Variants in GRID2 observed in about 807,000 individuals in gnomAD.
GRID2 encodes glutamate receptor ionotropic, delta-2.
GRID2 carries 33 observed loss-of-function variants against 114.8 expected under a neutral mutation model. The observed-to-expected ratio is 0.29, with a 90% CI of 0.22 to 0.38. GRID2 has a LOEUF of 0.38. Among genes scored for constraint, GRID2 ranks in the 10% least tolerant of loss-of-function variants. The pLI, the probability that GRID2 is intolerant of heterozygous loss-of-function variation, is 1.00. For missense variants in GRID2, 1,184 were observed against 1,257.7 expected (o/e 0.94, Z 0.89); for synonymous variants, 505 against 449.9 (o/e 1.12, Z -1.55).
At chr4:93,552,589 A>T (rs946157662) in intron 13 of GRID2, among the ~76,000 whole-genome samples, 1 of 152,044 alleles carries the variant, frequency 6.6e-6, no homozygotes, top group African/African-American at 2.4e-5. Context: ...GTGTGAGATG[A>T]TATCTCATTG....
chr4:93,342,447 A>C (rs929806193), intron 8 of GRID2, among the ~76,000 whole-genome samples: 2 of 152,192 alleles, frequency 1.3e-5, no homozygotes, highest in Admixed American at 6.5e-5. Flanking sequence ...AGAAAAAAAA[A>C]CTTATTATTA....
intron 2 of GRID2, among the ~76,000 whole-genome samples, chr4:93,029,820 G>A (rs1724224678): frequency 6.6e-6 from 1 of 152,074 alleles, no homozygotes; most frequent in Admixed American, 6.6e-5. Flanking sequence ...AGCTTCTTCT[G>A]CCCAGTCTCT....
intron 2 of GRID2, among the ~76,000 whole-genome samples, chr4:92,654,586 A>C (rs34714051): frequency 0.014 from 2,098 of 151,954 alleles, 19 homozygotes; most frequent in South Asian, 0.03. Context: ...TTGTTTGTTT[A>C]TTTAATAATA....
intron 2 of GRID2, among the ~76,000 whole-genome samples, chr4:92,663,041 AGATT>A: frequency 6.6e-6 from 1 of 151,036 alleles, no homozygotes; most frequent in Non-Finnish European, 1.5e-5. Context: ...AAACACACTG[AGATT>A]GATTATCATC....
chr4:93,686,076 T>A (rs1319453386), intron 14 of GRID2, among the ~76,000 whole-genome samples: 1 of 152,012 alleles, frequency 6.6e-6, no homozygotes. Flanking sequence ...TATTTCACCC[T>A]ATTTCTAATA....
At chr4:92,634,154 AAG>A (rs1730949961) in intron 2 of GRID2, among the ~76,000 whole-genome samples, 1 of 152,036 alleles carries the variant, frequency 6.6e-6, no homozygotes, top group Non-Finnish European at 1.5e-5. Context: ...ATAATGTTGT[AAG>A]AAAGTTTACG....
intron 10 of GRID2, among the ~76,000 whole-genome samples, chr4:93,431,249 G>T (rs2149380109): frequency 2.0e-5 from 3 of 152,224 alleles, no homozygotes; most frequent in Admixed American, 2.0e-4. Flanking sequence ...GAAGCTCACT[G>T]TGAAAGTGCC....
At chr4:93,224,472 A>T in intron 6 of GRID2, 142 bp from the exon 7 acceptor site, 1 of 553,948 alleles carries the variant, frequency 1.8e-6, no homozygotes, top group Non-Finnish European at 3.2e-6. Flanking sequence ...CCAGGAAATG[A>T]CAAAAGAAAC....
At chr4:93,691,388 A>G (rs17020997) in intron 14 of GRID2, among the ~76,000 whole-genome samples, 6,239 of 152,084 alleles carry the variant, frequency 0.041, 198 homozygotes, top group African/African-American at 0.081. Context: ...AGAAGTTAAA[A>G]AACAGCACAA....
intron 1 of GRID2, among the ~76,000 whole-genome samples, chr4:92,368,458 A>G (rs1172223000): frequency 3.3e-5 from 5 of 152,156 alleles, no homozygotes; most frequent in Non-Finnish European, 7.4e-5. Flanking sequence ...TTAATGGCTC[A>G]ACGACACAAT....
chr4:92,485,348 AGTGTGTGTGTGTG>A lies in GRID2; in HGVS notation c.89-104782_89-104770del, dbSNP rs1722829999. Among the ~76,000 whole-genome samples the A allele has an allele frequency of 8.1e-5, 4 of 49,510 alleles. No individual in the cohort carries two copies. In the South Asian group the frequency reaches 2.5e-3, roughly 31 times the overall value. 32.5% of individuals were successfully genotyped at this position (49,510 alleles called of 152,430 possible). ...TATATATATATATATATATATATATAGTGTGTGTGTGTGTGTGTGTGAGTGTATGTGTGTGTAT... is the reference window on the plus strand; with the variant it reads ...TATATATATATATATATATATATATATGTGTGTGAGTGTATGTGTGTGTAT... On this transcript the variant is annotated intron_variant, in intron 1 of 15. Coordinates refer to ENST00000282020, the MANE Select transcript of GRID2 (RefSeq NM_001510.4).
At chr4:92,751,921 A>G (rs915210223) in intron 2 of GRID2, among the ~76,000 whole-genome samples, 1 of 152,186 alleles carries the variant, frequency 6.6e-6, no homozygotes, top group Non-Finnish European at 1.5e-5. Context: ...TTCAATAGCC[A>G]CCTAGACAGT....
intron 8 of GRID2, among the ~76,000 whole-genome samples, chr4:93,356,488 A>G (rs780066512): frequency 6.6e-6 from 1 of 151,802 alleles, no homozygotes; most frequent in Non-Finnish European, 1.5e-5. Context: ...TGTTTCATTT[A>G]TGGAAAATGC....
chr4:93,039,862 G>A (rs945866599), intron 2 of GRID2, among the ~76,000 whole-genome samples: 4 of 152,128 alleles, frequency 2.6e-5, no homozygotes, highest in Non-Finnish European at 4.4e-5. Context: ...ACATGTAAGT[G>A]CTCAATTAAC....
chr4:93,749,273 G>T (rs1246736590), intron 14 of GRID2, among the ~76,000 whole-genome samples: 3 of 152,154 alleles, frequency 2.0e-5, no homozygotes, highest in African/African-American at 7.2e-5. Flanking sequence ...TGACACAAGG[G>T]CTTTTAGAGG....
At chr4:92,957,371 G>T (rs917663040) in intron 2 of GRID2, among the ~76,000 whole-genome samples, 2 of 151,918 alleles carry the variant, frequency 1.3e-5, no homozygotes. Flanking sequence ...TTCTCCAGGT[G>T]GTTGTCTAGT....
chr4:93,526,457 T>C (rs1730910551), intron 13 of GRID2, among the ~76,000 whole-genome samples: 1 of 152,202 alleles, frequency 6.6e-6, no homozygotes, highest in South Asian at 2.1e-4. Flanking sequence ...TAGTCTCCAA[T>C]TTTACCCTCA....
chr4:93,428,034 C>CA (rs1246306289), intron 10 of GRID2, among the ~76,000 whole-genome samples: 2 of 151,396 alleles, frequency 1.3e-5, no homozygotes, highest in African/African-American at 4.9e-5. Context: ...ATAGAAGTAC[C>CA]AAAAAAATTA....
At chr4:93,754,091 T>C (rs1053257828) in intron 14 of GRID2, among the ~76,000 whole-genome samples, 1 of 152,152 alleles carries the variant, frequency 6.6e-6, no homozygotes, top group Non-Finnish European at 1.5e-5. Flanking sequence ...TGGGTAATAG[T>C]AGCACAATGG....
Sources: allele counts gnomAD v4.1 joint callset (sites outside exome capture counted in the v4.1 genomes callset), GRCh38; gene constraint gnomAD v4.1.1; transcripts MANE v1.5; gene names NCBI Gene and HGNC (gene_info 2026-07-23, HGNC 2026-07-21).